The following RESF1 variants were observed in gnomAD, a reference collection of about 807,000 sequenced individuals.
The protein encoded by RESF1 is gonad expressed transcript.
RESF1 carries 65 observed loss-of-function variants against 134.7 expected under a neutral mutation model. The observed-to-expected ratio is 0.48, with a 90% CI of 0.40 to 0.59. The LOEUF (loss-of-function observed/expected upper bound fraction) is 0.59, where lower values mean the gene tolerates loss of function less well. Ranked by LOEUF, RESF1 falls within the 20% of genes least tolerant of loss-of-function variation. RESF1 has a pLI of 0.00. For synonymous variants in RESF1, 762 were observed against 702.2 expected (o/e 1.09, Z -1.35); for missense variants, 2,274 against 2,002.7 (o/e 1.14, Z -2.59).
chr12:31,970,748 A>C (rs989682167), intron 3 of RESF1, among the ~76,000 whole-genome samples: 1 of 152,226 alleles, frequency 6.6e-6, no homozygotes, highest in Non-Finnish European at 1.5e-5. Flanking sequence ...TTATTGATGC[A>C]AGTTTTCTTG....
intron 3 of RESF1, among the ~76,000 whole-genome samples, 179 bp from the exon 4 acceptor site, chr12:31,980,699 A>T (rs959854960): frequency 5.3e-5 from 8 of 152,192 alleles, no homozygotes; most frequent in Admixed American, 1.3e-4. Context: ...ACACGTTAGA[A>T]ATTTCATTGA....
Position 31,985,567 on chromosome 12 carries a change from G to A in RESF1, c.4612G>A (p.Glu1538Lys). The change falls in exon 4 of 6, where the codon GAA becomes AAA. Residue 1538 changes from glutamate to lysine, a missense_variant. Glu to Lys is a moderately conservative substitution (Grantham distance 56). Coordinates refer to ENST00000312561, the MANE Select transcript of RESF1 (RefSeq NM_018169.4). ...ATACAACATTCTAAGGAATGTTAAA[G>A]AAAAAGTTGGTGGGAAGCAGCCTGA... ...KTYNILRNVKEKVGGKQPDKI... is the reference protein window; with the variant it reads ...KTYNILRNVKKKVGGKQPDKI... 1 of 1,597,852 alleles carries A rather than the reference G, an allele frequency of 6.3e-7. No homozygotes were observed. Among genetic ancestry groups the A allele is most frequent in the Non-Finnish European group, 8.5e-7 (1 of 1,175,338 alleles).
intron 2 of RESF1, among the ~76,000 whole-genome samples, chr12:31,967,510 T>C (rs948909728): frequency 2.0e-5 from 3 of 152,246 alleles, no homozygotes; most frequent in Non-Finnish European, 2.9e-5. Context: ...ATAGACATGA[T>C]GGGATGGGAA....
At chr12:31,970,106 TA>T (rs1405553666) in intron 2 of RESF1, 82 bp from the exon 3 acceptor site, 1 of 152,250 alleles carries the variant, frequency 6.6e-6, no homozygotes, top group Non-Finnish European at 1.5e-5. Flanking sequence ...GAATATTTTT[TA>T]AATTTCACAG....
In RESF1 at chr12:31,977,807, T is replaced by TC. The variant is rs202140508; in HGVS notation, c.-78-3071_-78-3070insC. Among the ~76,000 whole-genome samples, 77 of 139,942 alleles carry TC rather than the reference T, an allele frequency of 5.5e-4. 1 individual carries two copies. Among genetic ancestry groups the TC allele is most frequent in the African/African-American group, 9.8e-4 (37 of 37,818 alleles). The allele number at this position is 139,942 out of a possible 152,430, so 91.8% of individuals were successfully genotyped here. On this transcript the variant is annotated intron_variant, in intron 3 of 5. Transcript: ENST00000312561. The stretch of plus-strand genomic sequence containing the variant: ...AATTACTTTTTCTTTCTTTCTTTTT[T>TC]TTTTTTTTTTTTTTTGAGACAAGAG...
intron 1 of RESF1, among the ~76,000 whole-genome samples, chr12:31,960,388 G>A (rs1156596492): frequency 6.6e-6 from 1 of 152,098 alleles, no homozygotes; most frequent in Non-Finnish European, 1.5e-5. Context: ...GCATTTTTCT[G>A]CTAAATGTGT....
chr12:31,968,028 T>C (rs576632579), intron 2 of RESF1, among the ~76,000 whole-genome samples: 2 of 152,364 alleles, frequency 1.3e-5, no homozygotes, highest in East Asian at 1.9e-4. Flanking sequence ...ACATTTGGAA[T>C]TCCTGAAAAG....
chr12:31,980,205 A>G (rs1939746922), intron 3 of RESF1, among the ~76,000 whole-genome samples: 1 of 139,372 alleles, frequency 7.2e-6, no homozygotes. Context: ...TCCACCTCCC[A>G]GGTTCAAGTG....
intron 3 of RESF1, among the ~76,000 whole-genome samples, chr12:31,974,163 G>T (rs1298456084): frequency 6.6e-6 from 1 of 151,556 alleles, no homozygotes; most frequent in Admixed American, 6.6e-5. Context: ...CCCTCTCCAG[G>T]TGCTGCCCCA....
chr12:31,982,762 A>C lies in RESF1; in HGVS notation c.1807A>C (p.Asn603His). ...KTQKTVLKDA[N>H]QTIQDSKPDS... is the part of the protein sequence containing the mutation. ...TCAGAAGACAGTATTAAAAGATGCTAATCAAACTATTCAGGATTCTAAACC... is the reference window on the plus strand; with the variant it reads ...TCAGAAGACAGTATTAAAAGATGCTCATCAAACTATTCAGGATTCTAAACC... The change falls in exon 4 of 6, where the codon AAT becomes CAT. Residue 603 changes from asparagine to histidine, a missense_variant. Asn to His is a moderately conservative substitution (Grantham distance 68). Coordinates refer to ENST00000312561, the MANE Select transcript of RESF1 (RefSeq NM_018169.4). 1.2e-6 allele frequency: 2 copies of C among 1,614,110 alleles called. No homozygotes were observed. Among genetic ancestry groups the C allele is most frequent in the Non-Finnish European group, 8.5e-7 (1 of 1,179,966 alleles).
At chr12:31,977,833 C>T (rs1287540454) in intron 3 of RESF1, among the ~76,000 whole-genome samples, 1 of 135,724 alleles carries the variant, frequency 7.4e-6, no homozygotes, top group Admixed American at 8.2e-5. Context: ...GAGACAAGAG[C>T]TCATTCTGCT....
rs369133361 is a variant in RESF1 at position 31,984,381 on chromosome 12, A to G, written c.3426A>G (p.Glu1142=). The change falls in exon 4 of 6, where the codon GAA becomes GAG. Residue 1142 remains glutamate, a synonymous_variant. Transcript: ENST00000312561. ...CTCAGAAAGAAGAGCCCATCACAGA[A>G]GTAGTTAGCCAGTGTGACCTGCAGG... is the stretch of plus-strand genomic sequence containing the variant. ...AEPQKEEPIT[E]VVSQCDLQAP... 8.7e-6 allele frequency: 14 copies of G among 1,614,030 alleles called. No individual in the cohort carries two copies. The highest frequency in any genetic ancestry group is 1.2e-5 in the Non-Finnish European group (14 of 1,180,038).
At chr12:31,986,297 G>A (rs1939970797) in intron 4 of RESF1, among the ~76,000 whole-genome samples, 1 of 152,216 alleles carries the variant, frequency 6.6e-6, no homozygotes, top group Non-Finnish European at 1.5e-5. Context: ...CAAGTAGCTA[G>A]TAATGTAAGA....
chr12:31,979,861 CTT>C (rs200667862), intron 3 of RESF1, among the ~76,000 whole-genome samples: 10,149 of 151,360 alleles, frequency 0.067, 474 homozygotes, highest in South Asian at 0.13. Flanking sequence ...CCAGCCAAGA[CTT>C]TTTATAGAGT....
intron 3 of RESF1, among the ~76,000 whole-genome samples, chr12:31,980,108 CTTTTTTTTTTT>C (rs61587386): frequency 4.4e-5 from 5 of 114,402 alleles, no homozygotes; most frequent in Non-Finnish European, 8.6e-5. Context: ...TTTTCTTTTC[CTTTTTTTTTTT>C]TTTTTTTTTG....
intron 5 of RESF1, among the ~76,000 whole-genome samples, chr12:31,991,530 T>C (rs901717261): frequency 6.6e-6 from 1 of 152,216 alleles, no homozygotes; most frequent in African/African-American, 2.4e-5. Flanking sequence ...GGCAGTGGTT[T>C]GACTTAGGAT....
chr12:31,989,396 C>CAAAAAAAAAAAAA, intron 5 of RESF1, among the ~76,000 whole-genome samples: 1 of 98,234 alleles, frequency 1.0e-5, no homozygotes, highest in Non-Finnish European at 1.9e-5. Flanking sequence ...AGTCTTGTCT[C>CAAAAAAAAAAAAA]AAAAAAAAAA....
At chr12:31,987,796 C>T (rs988120358) in intron 5 of RESF1, among the ~76,000 whole-genome samples, 12 of 151,874 alleles carry the variant, frequency 7.9e-5, no homozygotes, top group East Asian at 1.9e-4. Flanking sequence ...AGTGCAGTGG[C>T]GTCATCTTGG....
Position 31,984,832 on chromosome 12 carries a change from A to G in RESF1, c.3877A>G (p.Lys1293Glu), listed in dbSNP as rs1939922745. The G allele has an allele frequency of 6.2e-7, 1 of 1,602,614 alleles. No individual in the cohort carries two copies. The highest frequency in any genetic ancestry group is 8.5e-7 in the Non-Finnish European group (1 of 1,177,368). The change falls in exon 4 of 6, where the codon AAA becomes GAA. Residue 1293 changes from lysine (K) to glutamate (E), a missense_variant. Coordinates refer to ENST00000312561, the MANE Select transcript of RESF1 (RefSeq NM_018169.4). ...CDKLNPLQNHKRKKLRFHEVT... is the reference protein window; with the variant it reads ...CDKLNPLQNHERKKLRFHEVT... ...TAAACTAAATCCCTTGCAAAATCAC[A>G]AAAGAAAAAAATTGAGGTTTCACGA...
Sources: allele counts gnomAD v4.1 joint callset (sites outside exome capture counted in the v4.1 genomes callset), GRCh38; gene constraint gnomAD v4.1.1; transcripts MANE v1.5; gene names NCBI Gene and HGNC (gene_info 2026-07-23, HGNC 2026-07-21).